The following ERBB4 variants were observed in gnomAD, a reference collection of about 807,000 sequenced individuals.
ERBB4 encodes the protein receptor tyrosine-protein kinase erbB-4.
ERBB4 carries 42 observed loss-of-function variants against 158.0 expected under a neutral mutation model. That is an observed-to-expected ratio of 0.27 (90% CI 0.21 to 0.34). The LOEUF is 0.34. Ranked by LOEUF, ERBB4 falls within the 10% of genes least tolerant of loss-of-function variation. ERBB4 has a pLI of 1.00. For synonymous variants in ERBB4, 583 were observed against 558.7 expected (o/e 1.04, Z -0.61); for missense variants, 1,333 against 1,624.1 (o/e 0.82, Z 3.08).
At chr2:211,454,151 T>C (rs763012429) in intron 20 of ERBB4, among the ~76,000 whole-genome samples, 4 of 152,204 alleles carry the variant, frequency 2.6e-5, no homozygotes, top group Non-Finnish European at 5.9e-5. Context: ...AAGCTAACGT[T>C]GTGATTAACA....
intron 3 of ERBB4, among the ~76,000 whole-genome samples, chr2:211,856,666 C>T (rs992459618): frequency 6.6e-6 from 1 of 152,064 alleles, no homozygotes; most frequent in Admixed American, 6.5e-5. Flanking sequence ...GGATTACAGG[C>T]GTGAGCCACT....
At chr2:211,592,774 G>A (rs1321472138) in intron 19 of ERBB4, among the ~76,000 whole-genome samples, 1 of 152,164 alleles carries the variant, frequency 6.6e-6, no homozygotes, top group Non-Finnish European at 1.5e-5. Flanking sequence ...CACTTTGGGA[G>A]GCCGAGGTGG....
At chr2:212,501,765 T>A (rs956073030) in intron 1 of ERBB4, among the ~76,000 whole-genome samples, 5 of 152,098 alleles carry the variant, frequency 3.3e-5, no homozygotes, top group Admixed American at 6.6e-5. Flanking sequence ...TAGTGTACTC[T>A]AGAGACTTGG....
chr2:212,011,325 T>A (rs2076381017), intron 2 of ERBB4, among the ~76,000 whole-genome samples: 1 of 152,190 alleles, frequency 6.6e-6, no homozygotes, highest in Non-Finnish European at 1.5e-5. Context: ...TAAATGAATT[T>A]AAAATTTTAT....
At chr2:212,340,258 C>G (rs181936344) in intron 1 of ERBB4, among the ~76,000 whole-genome samples, 44 of 152,136 alleles carry the variant, frequency 2.9e-4, no homozygotes, top group African/African-American at 1.0e-3. Flanking sequence ...CTTCTTTCTT[C>G]TATAGCAATG....
chr2:211,698,222 G>A (rs1228710516), intron 12 of ERBB4, among the ~76,000 whole-genome samples: 4 of 150,682 alleles, frequency 2.7e-5, no homozygotes, highest in Middle Eastern at 3.2e-3. Context: ...TGAGGCAGGA[G>A]AATTGCTTGA....
At chr2:212,382,654 C>T (rs907654477) in intron 1 of ERBB4, among the ~76,000 whole-genome samples, 4 of 151,074 alleles carry the variant, frequency 2.6e-5, no homozygotes, top group East Asian at 1.9e-4. Context: ...ACAGTTGAGA[C>T]AGACACTTCC....
At chr2:211,932,001 G>C (rs2080190326) in intron 3 of ERBB4, among the ~76,000 whole-genome samples, 1 of 152,024 alleles carries the variant, frequency 6.6e-6, no homozygotes, top group African/African-American at 2.4e-5. Flanking sequence ...AAGTGATTGT[G>C]ACTGTCCTTT....
chr2:211,486,116 A>C (rs1378472116), intron 20 of ERBB4, among the ~76,000 whole-genome samples: 1 of 152,110 alleles, frequency 6.6e-6, no homozygotes, highest in African/African-American at 2.4e-5. Context: ...TATATAATTA[A>C]CTAAAAGTTT....
At chr2:212,356,229 T>C (rs2089457537) in intron 1 of ERBB4, among the ~76,000 whole-genome samples, 2 of 152,104 alleles carry the variant, frequency 1.3e-5, no homozygotes, top group South Asian at 2.1e-4. Context: ...GAGGGGGCAG[T>C]CAACCATGTT....
rs748720179 is a variant in ERBB4 at position 211,582,799 on chromosome 2, C to T, written c.2302-20711G>A. Among the ~76,000 whole-genome samples the T allele has an allele frequency of 3.1e-4, 47 of 152,198 alleles. 1 individual carries two copies. Among genetic ancestry groups the T allele is most frequent in the Middle Eastern group, 6.8e-3 (2 of 294 alleles). ...TAAAACATGTACTGGAACACCATAA[C>T]CTAACATTTACTTCAATTATTAAAA... On this transcript the variant is annotated intron_variant, in intron 19 of 27. Coordinates refer to ENST00000342788, the MANE Select transcript of ERBB4 (RefSeq NM_005235.3).
chr2:211,596,260 T>A (rs545245580), intron 19 of ERBB4, among the ~76,000 whole-genome samples: 2 of 152,000 alleles, frequency 1.3e-5, no homozygotes, highest in South Asian at 4.2e-4. Context: ...AATGAAAGCA[T>A]ACTTGCTCTG....
At chr2:211,504,869 G>T (rs1028607003) in intron 20 of ERBB4, among the ~76,000 whole-genome samples, 5 of 152,080 alleles carry the variant, frequency 3.3e-5, no homozygotes, top group African/African-American at 1.2e-4. Context: ...AGAACTTGAA[G>T]ACTAGTTTTC....
intron 3 of ERBB4, among the ~76,000 whole-genome samples, chr2:211,929,277 G>A (rs1041886255): frequency 2.0e-5 from 3 of 152,074 alleles, no homozygotes; most frequent in East Asian, 3.9e-4. Context: ...CAGAGAGAGA[G>A]AGAGAGAGAC....
intron 2 of ERBB4, among the ~76,000 whole-genome samples, chr2:212,024,687 G>A (rs1233510563): frequency 6.6e-6 from 1 of 151,792 alleles, no homozygotes; most frequent in Admixed American, 6.6e-5. Flanking sequence ...TTCATGTGTT[G>A]TCCTCCAAAT....
chr2:211,534,777 A>C (rs2066598793), intron 20 of ERBB4, among the ~76,000 whole-genome samples: 1 of 152,122 alleles, frequency 6.6e-6, no homozygotes. Context: ...GAGGTAATTT[A>C]CACAAATAGG....
At chr2:211,748,676 T>G (rs964101231) in intron 5 of ERBB4, among the ~76,000 whole-genome samples, 3 of 152,222 alleles carry the variant, frequency 2.0e-5, no homozygotes, top group African/African-American at 7.2e-5. Flanking sequence ...TGCAGAAGCC[T>G]CTTTGACCCC....
intron 2 of ERBB4, among the ~76,000 whole-genome samples, chr2:211,987,353 T>G (rs1228526290): frequency 1.3e-5 from 1 of 74,872 alleles, no homozygotes; most frequent in Non-Finnish European, 3.2e-5. Context: ...AAGAAAGAAA[T>G]CTATCACCCA....
chr2:211,713,193 AAT>A (rs2073769494), intron 8 of ERBB4, among the ~76,000 whole-genome samples: 1 of 152,124 alleles, frequency 6.6e-6, no homozygotes, highest in Admixed American at 6.6e-5. Flanking sequence ...GCAAGCAACT[AAT>A]ATGTGTTGTG....
Sources: allele counts gnomAD v4.1 joint callset (sites outside exome capture counted in the v4.1 genomes callset), GRCh38; gene constraint gnomAD v4.1.1; transcripts MANE v1.5; gene names NCBI Gene and HGNC (gene_info 2026-07-23, HGNC 2026-07-21).